CNTN5: variants seen among roughly 807,000 people sequenced by gnomAD.
CNTN5 encodes the protein contactin 5, also known as contactin-5.
A neutral mutation model predicts 129.1 loss-of-function variants in CNTN5; 77 were observed. That is an observed-to-expected ratio of 0.60 (90% CI 0.50 to 0.72). CNTN5 has a LOEUF of 0.72. Among genes scored for constraint, CNTN5 ranks in the 30% least tolerant of loss-of-function variants. CNTN5 has a pLI of 0.00. For missense variants in CNTN5, 1,478 were observed against 1,328.8 expected (o/e 1.11, Z -1.75); for synonymous variants, 509 against 465.6 (o/e 1.09, Z -1.20).
At chr11:99,791,906 T>A (rs1462203468) in intron 3 of CNTN5, among the ~76,000 whole-genome samples, 7 of 152,178 alleles carry the variant, frequency 4.6e-5, no homozygotes, top group Non-Finnish European at 8.8e-5. Flanking sequence ...GCTCTCAGAT[T>A]GGATCTTGTT....
intron 8 of CNTN5, among the ~76,000 whole-genome samples, chr11:99,985,514 G>A (rs1869395): frequency 0.07 from 10,654 of 152,148 alleles, 772 homozygotes; most frequent in East Asian, 0.31. Context: ...TTTTGGAAAA[G>A]GCAACATTCA....
intron 3 of CNTN5, among the ~76,000 whole-genome samples, chr11:99,754,167 T>A (rs377547931): frequency 6.6e-6 from 1 of 152,196 alleles, no homozygotes; most frequent in Admixed American, 6.5e-5. Context: ...TGTATCTTCA[T>A]TGATGATTGT....
intron 1 of CNTN5, among the ~76,000 whole-genome samples, chr11:99,212,899 A>G (rs978441038): frequency 1.3e-5 from 2 of 152,114 alleles, no homozygotes; most frequent in African/African-American, 4.8e-5. Context: ...CTACATAAAA[A>G]TATATTTCCT....
chr11:100,226,221 C>T (rs946193876), intron 16 of CNTN5, among the ~76,000 whole-genome samples: 6 of 152,104 alleles, frequency 3.9e-5, no homozygotes, highest in African/African-American at 9.7e-5. Context: ...ACCCTACACT[C>T]AGTCAAATTC....
chr11:99,219,661 A>T (rs893108003), intron 1 of CNTN5, among the ~76,000 whole-genome samples: 1 of 97,006 alleles, frequency 1.0e-5, no homozygotes, highest in African/African-American at 4.1e-5. Flanking sequence ...TTTGAGTAAG[A>T]TTAAAAAAAA....
intron 2 of CNTN5, among the ~76,000 whole-genome samples, chr11:99,515,374 G>A (rs979337521): frequency 4.6e-5 from 7 of 151,996 alleles, no homozygotes; most frequent in African/African-American, 1.7e-4. Context: ...ACTTTGTTCT[G>A]AATATTTGAA....
intron 3 of CNTN5, among the ~76,000 whole-genome samples, chr11:99,726,532 T>C (rs1943345625): frequency 6.6e-6 from 1 of 152,226 alleles, no homozygotes; most frequent in South Asian, 2.1e-4. Flanking sequence ...CTAAACTCTA[T>C]GTAATAATAA....
At chr11:99,207,906 G>A (rs958822077) in intron 1 of CNTN5, among the ~76,000 whole-genome samples, 1 of 152,124 alleles carries the variant, frequency 6.6e-6, no homozygotes. Flanking sequence ...AATGAATTTA[G>A]CTCGGCTTTG....
intron 6 of CNTN5, among the ~76,000 whole-genome samples, chr11:99,896,778 A>T (rs1424860670): frequency 6.6e-6 from 1 of 152,136 alleles, no homozygotes; most frequent in Non-Finnish European, 1.5e-5. Context: ...AGCACACAAC[A>T]TGCCCCATAG....
chr11:99,031,026 T>A (rs1863350682), intron 1 of CNTN5, among the ~76,000 whole-genome samples: 1 of 151,676 alleles, frequency 6.6e-6, no homozygotes, highest in Admixed American at 6.6e-5. Context: ...CTTGATCTCC[T>A]GACCTCGTGA....
At chr11:99,244,787 G>T (rs1861734244) in intron 1 of CNTN5, among the ~76,000 whole-genome samples, 1 of 152,134 alleles carries the variant, frequency 6.6e-6, no homozygotes, top group Admixed American at 6.5e-5. Context: ...ACCAATTTGA[G>T]AATTTTCACC....
chr11:99,533,357 G>A (rs948002576), intron 2 of CNTN5, among the ~76,000 whole-genome samples: 1 of 152,236 alleles, frequency 6.6e-6, no homozygotes, highest in Non-Finnish European at 1.5e-5. Flanking sequence ...AGCTAAAACA[G>A]TAACATCAGG....
intron 2 of CNTN5, among the ~76,000 whole-genome samples, chr11:99,500,429 TA>T (rs1450676946): frequency 1.4e-4 from 21 of 152,170 alleles, no homozygotes; most frequent in African/African-American, 5.1e-4. Context: ...TATTTTTTTC[TA>T]AACTCTCGTT....
chr11:100,180,567 A>G (rs917399035), intron 13 of CNTN5, among the ~76,000 whole-genome samples: 2 of 151,978 alleles, frequency 1.3e-5, no homozygotes, highest in African/African-American at 4.8e-5. Flanking sequence ...AAGGTTAAAC[A>G]AAGAATTGGC....
chr11:100,072,173 T>C (rs1161697812), intron 12 of CNTN5, among the ~76,000 whole-genome samples: 1 of 152,154 alleles, frequency 6.6e-6, no homozygotes, highest in Non-Finnish European at 1.5e-5. Context: ...GATCAGAATA[T>C]AGAATTCCAG....
Position 99,582,111 on chromosome 11 carries a change from C to T in CNTN5, c.55+25842C>T, listed in dbSNP as rs1478315992. 3.9e-5 allele frequency among the ~76,000 whole-genome samples: 6 copies of T among 152,162 alleles called. No homozygotes were observed. The East Asian group carries it at 1.2e-3, about 29-fold the overall frequency. Reference sequence around the variant, plus strand: ...GCTTAATTTGGCTGGATATGAAATTCTGGGTTGAAAATTCTTTTCTTTAAG... The same window carrying T: ...GCTTAATTTGGCTGGATATGAAATTTTGGGTTGAAAATTCTTTTCTTTAAG... On this transcript the variant is annotated intron_variant, in intron 3 of 24. Transcript: ENST00000524871.
At chr11:99,919,524 C>T (rs1210739870) in intron 7 of CNTN5, among the ~76,000 whole-genome samples, 3 of 152,106 alleles carry the variant, frequency 2.0e-5, no homozygotes, top group Non-Finnish European at 4.4e-5. Flanking sequence ...AATTCTATTC[C>T]TCTCAGTCAG....
At chr11:99,318,847 AC>A (rs982394407) in intron 1 of CNTN5, among the ~76,000 whole-genome samples, 5 of 152,240 alleles carry the variant, frequency 3.3e-5, no homozygotes, top group African/African-American at 1.2e-4. Flanking sequence ...TGAATGGTTC[AC>A]TACAAGACAA....
chr11:99,219,193 G>T (rs1024459296), intron 1 of CNTN5, among the ~76,000 whole-genome samples: 1 of 151,794 alleles, frequency 6.6e-6, no homozygotes, highest in African/African-American at 2.4e-5. Context: ...ACAGATAAGT[G>T]GGCCCTTCAG....
Sources: gnomAD v4.1 joint callset for allele counts (sites outside exome capture counted in the v4.1 genomes callset) on GRCh38, gnomAD v4.1.1 for gene constraint, MANE v1.5 for transcripts, NCBI Gene and HGNC (gene_info 2026-07-23, HGNC 2026-07-21) for gene names.